The following SND1 variants were observed in gnomAD, a reference collection of about 807,000 sequenced individuals.
SND1 encodes the protein staphylococcal nuclease domain-containing protein 1.
SND1 carries 38 observed loss-of-function variants against 121.7 expected under a neutral mutation model. The observed-to-expected ratio is 0.31, with a 90% confidence interval of 0.24 to 0.41. The LOEUF is 0.41. Ranked by LOEUF, SND1 falls within the 10% of genes least tolerant of loss-of-function variation. SND1 has a pLI of 1.00. For synonymous variants in SND1, 401 were observed against 447.4 expected, an observed-to-expected ratio of 0.90 and a Z score of 1.31; for missense variants, 868 against 1,184.6, an observed-to-expected ratio of 0.73 and a Z score of 3.92.
chr7:127,807,692 T>A (rs1479321175), intron 11 of SND1, 119 bp downstream of exon 11: 1 of 760,248 alleles, frequency 1.3e-6, no homozygotes, highest in Non-Finnish European at 2.3e-6. Context: ...TCAAGTCAAA[T>A]GGAATTACTT....
intron 12 of SND1, among the ~76,000 whole-genome samples, chr7:127,868,981 G>T (rs907776411): frequency 3.3e-5 from 5 of 152,100 alleles, no homozygotes; most frequent in African/African-American, 1.2e-4. Context: ...ATTTTGTGCG[G>T]CACTTTCGTT....
At chr7:127,983,182 G>A (rs1303175042) in intron 15 of SND1, among the ~76,000 whole-genome samples, 1 of 152,140 alleles carries the variant, frequency 6.6e-6, no homozygotes, top group Non-Finnish European at 1.5e-5. Context: ...GAAGAAGGGT[G>A]GTATGGGAAA....
chr7:127,941,607 G>A (rs1801202888), intron 15 of SND1, among the ~76,000 whole-genome samples: 3 of 152,242 alleles, frequency 2.0e-5, no homozygotes, highest in South Asian at 4.1e-4. Flanking sequence ...GGAACATGGT[G>A]TCTGTCTCTT....
intron 17 of SND1, among the ~76,000 whole-genome samples, chr7:128,080,616 G>T (rs1793582446): frequency 6.6e-6 from 1 of 152,248 alleles, no homozygotes; most frequent in Non-Finnish European, 1.5e-5. Context: ...ACGGGGAAGG[G>T]AGATGGGGAG....
At chr7:127,893,591 A>G (rs186539635) in intron 13 of SND1, among the ~76,000 whole-genome samples, 2 of 152,284 alleles carry the variant, frequency 1.3e-5, no homozygotes, top group East Asian at 1.9e-4. Context: ...AAGCAATTGT[A>G]TTGAACAACC....
chr7:128,051,235 G>A (rs1429173326), intron 16 of SND1, among the ~76,000 whole-genome samples: 6 of 152,150 alleles, frequency 3.9e-5, no homozygotes, highest in Non-Finnish European at 7.3e-5. Flanking sequence ...CCACCCTCCC[G>A]AAGACAAAGG....
intron 16 of SND1, among the ~76,000 whole-genome samples, chr7:127,991,311 C>T (rs1474442918): frequency 6.6e-6 from 1 of 152,252 alleles, no homozygotes; most frequent in African/African-American, 2.4e-5. Context: ...ACTCCTGATG[C>T]AGAGAGCTTA....
At chr7:127,696,812 A>G (rs1361885263) in intron 3 of SND1, among the ~76,000 whole-genome samples, 2 of 152,240 alleles carry the variant, frequency 1.3e-5, no homozygotes, top group Non-Finnish European at 2.9e-5. Flanking sequence ...GATATAATTT[A>G]ATTTAGTATG....
Position 127,947,412 on chromosome 7 carries a change from A to G in SND1, c.1669+18083A>G, listed in dbSNP as rs112570871. Among the ~76,000 whole-genome samples, 422 of 152,348 alleles carry G rather than the reference A, an allele frequency of 2.8e-3. 1 individual carries two copies. The highest frequency in any genetic ancestry group is 9.8e-3 in the African/African-American group (407 of 41,576). Reference sequence around the variant, plus strand: ...TTTCAGGAAATAATGAGTCAGAAGTATGGCAAAATAATCCACTTCATATAC... The same window carrying G: ...TTTCAGGAAATAATGAGTCAGAAGTGTGGCAAAATAATCCACTTCATATAC... On this transcript the variant is annotated intron_variant, in intron 15 of 23. Coordinates refer to ENST00000354725, the MANE Select transcript of SND1 (RefSeq NM_014390.4).
At position 127,849,951 on chromosome 7, in the gene SND1, T is replaced by G. The variant is rs144796395; in HGVS notation, c.1343+5527T>G. On this transcript the variant is annotated intron_variant, in intron 12 of 23. Coordinates refer to ENST00000354725, the MANE Select transcript of SND1 (RefSeq NM_014390.4). ...TTCCCATGCAGCAGCTTCAAGGCCATCTTTATGAATATCCTTTCTGTCTGT... is the reference window on the plus strand; with the variant it reads ...TTCCCATGCAGCAGCTTCAAGGCCAGCTTTATGAATATCCTTTCTGTCTGT... Among the ~76,000 whole-genome samples, 50 of 152,322 alleles carry G rather than the reference T, an allele frequency of 3.3e-4. 1 individual carries two copies. The highest frequency in any genetic ancestry group is 1.2e-3 in the African/African-American group (48 of 41,576).
At chr7:127,741,863 G>A (rs898099972) in intron 10 of SND1, among the ~76,000 whole-genome samples, 1 of 152,172 alleles carries the variant, frequency 6.6e-6, no homozygotes, top group African/African-American at 2.4e-5. Flanking sequence ...TTTCCCGAGA[G>A]TGAGGTAAGG....
intron 10 of SND1, among the ~76,000 whole-genome samples, chr7:127,744,468 A>T (rs1217112726): frequency 6.6e-6 from 1 of 152,204 alleles, no homozygotes; most frequent in Non-Finnish European, 1.5e-5. Flanking sequence ...AAGTTGTTGC[A>T]TGTACAGTGG....
At chr7:127,889,909 C>A (rs574944218) in intron 13 of SND1, among the ~76,000 whole-genome samples, 56 of 152,140 alleles carry the variant, frequency 3.7e-4, no homozygotes, top group Non-Finnish European at 7.2e-4. Context: ...ACCACAGTTT[C>A]TTTATCCGTT....
intron 16 of SND1, among the ~76,000 whole-genome samples, chr7:128,046,248 C>A (rs535308110): frequency 6.6e-6 from 1 of 152,196 alleles, no homozygotes; most frequent in South Asian, 2.1e-4. Context: ...TAGATGGGTG[C>A]CACTATGCCA....
At chr7:127,982,179 C>CT (rs1381504775) in intron 15 of SND1, among the ~76,000 whole-genome samples, 1 of 152,226 alleles carries the variant, frequency 6.6e-6, no homozygotes, top group African/African-American at 2.4e-5. Flanking sequence ...TCTGTAGATG[C>CT]TTCTCTTCTC....
At chr7:127,769,484 C>G (rs561478928) in intron 10 of SND1, among the ~76,000 whole-genome samples, 12 of 152,322 alleles carry the variant, frequency 7.9e-5, no homozygotes, top group African/African-American at 2.9e-4. Context: ...ATTGCTATTT[C>G]TCTCTAGCAA....
chr7:127,694,011 A>T (rs1795966551), intron 2 of SND1, among the ~76,000 whole-genome samples: 2 of 152,144 alleles, frequency 1.3e-5, no homozygotes, highest in Non-Finnish European at 2.9e-5. Context: ...GTGGATGTGT[A>T]GCTCAGTCCT....
intron 10 of SND1, among the ~76,000 whole-genome samples, chr7:127,764,184 T>C (rs573899475): frequency 6.6e-6 from 1 of 152,304 alleles, no homozygotes; most frequent in Admixed American, 6.5e-5. Flanking sequence ...AATTCTAAAC[T>C]GAATATTAGC....
chr7:127,657,030 A>G (rs1482246276), intron 1 of SND1, among the ~76,000 whole-genome samples: 1 of 152,132 alleles, frequency 6.6e-6, no homozygotes, highest in Non-Finnish European at 1.5e-5. Context: ...GTTTTCTGTC[A>G]TTTTTCTGTC....
Sources: allele counts gnomAD v4.1 joint callset (sites outside exome capture counted in the v4.1 genomes callset), GRCh38; gene constraint gnomAD v4.1.1; transcripts MANE v1.5; gene names NCBI Gene and HGNC (gene_info 2026-07-23, HGNC 2026-07-21).